The following ARHGEF7 variants were observed in gnomAD, a reference collection of about 807,000 sequenced individuals.
ARHGEF7 encodes the protein PAK-interacting exchange factor beta.
ARHGEF7 carries 33 observed loss-of-function variants against 109.8 expected under a neutral mutation model. The observed-to-expected ratio is 0.30, with a 90% CI of 0.23 to 0.40. The LOEUF is 0.40. Among genes scored for constraint, ARHGEF7 ranks in the 10% least tolerant of loss-of-function variants. The pLI is 1.00. For synonymous variants in ARHGEF7, 458 were observed against 424.6 expected (o/e 1.08, Z -0.97); for missense variants, 938 against 1,098.5 (o/e 0.85, Z 2.07).
chr13:111,254,219 A>G (rs1041278064), intron 8 of ARHGEF7, among the ~76,000 whole-genome samples: 2 of 152,216 alleles, frequency 1.3e-5, no homozygotes, highest in African/African-American at 4.8e-5. Flanking sequence ...TTCTCTAGAG[A>G]CTCATTCTCA....
chr13:111,176,380 C>G (rs1431494396), intron 2 of ARHGEF7, among the ~76,000 whole-genome samples: 6 of 152,202 alleles, frequency 3.9e-5, no homozygotes, highest in African/African-American at 1.2e-4. Context: ...GAGAATTGTG[C>G]GTGATGTGCC....
chr13:111,199,113 A>G (rs928219877), intron 2 of ARHGEF7, among the ~76,000 whole-genome samples: 3 of 152,166 alleles, frequency 2.0e-5, no homozygotes, highest in African/African-American at 2.4e-5. Context: ...TCACCTCTCA[A>G]TATCTCATTG....
chr13:111,280,923 T>C (rs2092741412), intron 15 of ARHGEF7: 1 of 342,468 alleles, frequency 2.9e-6, no homozygotes, highest in Non-Finnish European at 5.2e-6. Context: ...GGTGCTTGGG[T>C]GGGAAGCTGC....
At chr13:111,154,103 C>T (rs1178119579) in intron 2 of ARHGEF7, 112 bp downstream of exon 2, 23 of 1,105,142 alleles carry the variant, frequency 2.1e-5, no homozygotes, top group Non-Finnish European at 2.3e-5. Context: ...CGGATCCGAC[C>T]CTCCCCGGCT....
chr13:111,222,915 G>A (rs1285702908), intron 5 of ARHGEF7, among the ~76,000 whole-genome samples: 2 of 152,240 alleles, frequency 1.3e-5, no homozygotes, highest in Admixed American at 6.5e-5. Context: ...TTCGAAACAG[G>A]TGAGAACAAT....
chr13:111,286,604 CT>C (rs1457596503), intron 17 of ARHGEF7, among the ~76,000 whole-genome samples: 2 of 152,194 alleles, frequency 1.3e-5, no homozygotes, highest in Non-Finnish European at 2.9e-5. Flanking sequence ...CACCCTGTGT[CT>C]GTTAGAAGCG....
At chr13:111,236,009 G>A (rs2086760468) in intron 6 of ARHGEF7, among the ~76,000 whole-genome samples, 1 of 152,194 alleles carries the variant, frequency 6.6e-6, no homozygotes, top group Non-Finnish European at 1.5e-5. Context: ...GAAATTAAGA[G>A]ACAATGAGAC....
At position 111,163,320 on chromosome 13, in the gene ARHGEF7, TA is replaced by T. The variant is rs576125630; in HGVS notation, c.252+9330del. On this transcript the variant is annotated intron_variant, in intron 2 of 21. Transcript: ENST00000646102. ...AGAGATGGCCCTCTGTCTTGTACCT[TA>T]GTGCCTTGCTGTACTGTCTTGCTGG... Among the ~76,000 whole-genome samples the T allele has an allele frequency of 7.9e-5, 12 of 152,322 alleles. No individual in the cohort carries two copies. The South Asian group carries it at 2.5e-3, about 32-fold the overall frequency.
intron 6 of ARHGEF7, among the ~76,000 whole-genome samples, chr13:111,238,128 C>T (rs1039736243): frequency 6.6e-6 from 1 of 152,186 alleles, no homozygotes; most frequent in Admixed American, 6.5e-5. Flanking sequence ...TCTATTTTCT[C>T]ATGTACGTAC....
chr13:111,122,908 C>T (rs1358580829), intron 1 of ARHGEF7, among the ~76,000 whole-genome samples: 1 of 152,204 alleles, frequency 6.6e-6, no homozygotes, highest in Non-Finnish European at 1.5e-5. Context: ...ACCGTTCACA[C>T]TGTAGTCTAA....
chr13:111,221,823 T>C (rs1255051115), intron 5 of ARHGEF7, among the ~76,000 whole-genome samples: 2 of 151,766 alleles, frequency 1.3e-5, no homozygotes, highest in African/African-American at 4.8e-5. Context: ...TATGTATATG[T>C]GTACGTGTAC....
chr13:111,275,543 A>G lies in ARHGEF7; in HGVS notation c.1284A>G (p.Gln428=), dbSNP rs768526423. 13 of 1,613,802 alleles carry G rather than the reference A, an allele frequency of 8.1e-6. No individual in the cohort carries two copies. The highest frequency in any genetic ancestry group is 1.3e-5 in the African/African-American group (1 of 74,920). The change falls in exon 12 of 22, where the codon CAA becomes CAG. Residue 428 remains glutamine, a synonymous_variant. Coordinates refer to ENST00000646102, the MANE Select transcript of ARHGEF7 (RefSeq NM_001354046.2). ...AAFKNLSAQC[Q]EVRKRKELEL... is the part of the protein sequence containing the mutation. ...TCTGTGTCTGTCAGGCCCAATGTCAAGAAGTCCGGAAGAGGAAAGAGCTTG... is the reference window on the plus strand; with the variant it reads ...TCTGTGTCTGTCAGGCCCAATGTCAGGAAGTCCGGAAGAGGAAAGAGCTTG...
chr13:111,236,348 C>T (rs1198633409), intron 6 of ARHGEF7, among the ~76,000 whole-genome samples: 1 of 152,158 alleles, frequency 6.6e-6, no homozygotes, highest in African/African-American at 2.4e-5. Context: ...CCATTGACTG[C>T]TTCTTTTTTT....
intron 1 of ARHGEF7, among the ~76,000 whole-genome samples, chr13:111,123,871 C>G (rs1223125663): frequency 2.0e-5 from 3 of 146,744 alleles, no homozygotes; most frequent in African/African-American, 7.4e-5. Context: ...CGCCCCCCCC[C>G]CCCGGCCCCG....
intron 18 of ARHGEF7, among the ~76,000 whole-genome samples, chr13:111,289,904 T>C (rs112180134): frequency 4.5e-3 from 682 of 152,284 alleles, no homozygotes; most frequent in Non-Finnish European, 7.5e-3. Flanking sequence ...GTCCATACTT[T>C]AGTGAAAAAT....
At chr13:111,153,699 C>G (rs2076048576) in intron 1 of ARHGEF7, 1 of 1,307,148 alleles carries the variant, frequency 7.7e-7, no homozygotes, top group South Asian at 2.0e-5. Flanking sequence ...GAGATTGGTG[C>G]AGCCCCGGAG....
chr13:111,295,035 A>T (rs1249835281), intron 19 of ARHGEF7: 2 of 985,740 alleles, frequency 2.0e-6, no homozygotes, highest in African/African-American at 3.5e-5. Flanking sequence ...TTAGTAGGTG[A>T]CTACCATTTG....
chr13:111,275,376 A>G (rs758220766), intron 11 of ARHGEF7, among the ~76,000 whole-genome samples, 156 bp from the exon 12 acceptor site: 4 of 152,238 alleles, frequency 2.6e-5, no homozygotes, highest in Non-Finnish European at 2.9e-5. Flanking sequence ...AATACTTTCA[A>G]TTCCCTATAA....
At chr13:111,202,129 T>A (rs1331791580) in intron 2 of ARHGEF7, among the ~76,000 whole-genome samples, 3 of 152,210 alleles carry the variant, frequency 2.0e-5, no homozygotes, top group Non-Finnish European at 4.4e-5. Flanking sequence ...ATACGCTTTT[T>A]CAAATGGATA....
Sources: allele counts gnomAD v4.1 joint callset (sites outside exome capture counted in the v4.1 genomes callset), GRCh38; gene constraint gnomAD v4.1.1; transcripts MANE v1.5; gene names NCBI Gene and HGNC (gene_info 2026-07-23, HGNC 2026-07-21).